Variants in HS3ST4 observed in about 807,000 individuals in gnomAD.
HS3ST4 encodes heparan sulfate glucosamine 3-O-sulfotransferase 4.
In HS3ST4, 17 loss-of-function variants were observed where a neutral mutation model predicts 29.2. That is an observed-to-expected ratio of 0.58 (90% CI 0.40 to 0.87). HS3ST4 has a LOEUF of 0.87. Ranked by LOEUF, HS3ST4 falls within the 40% of genes least tolerant of loss-of-function variation. HS3ST4 has a pLI of 0.00. For missense variants in HS3ST4, 627 were observed against 634.5 expected, an observed-to-expected ratio of 0.99 and a Z score of 0.13; for synonymous variants, 314 against 285.7, an observed-to-expected ratio of 1.10 and a Z score of -1.00.
intron 1 of HS3ST4, among the ~76,000 whole-genome samples, chr16:25,917,870 C>T (rs941439037): frequency 3.9e-5 from 6 of 152,148 alleles, no homozygotes; most frequent in African/African-American, 9.7e-5. Flanking sequence ...AAACTTCAGA[C>T]GCCTTTCAAA....
chr16:25,928,035 CAAAAA>C (rs767016845), intron 1 of HS3ST4, among the ~76,000 whole-genome samples: 6 of 50,928 alleles, frequency 1.2e-4, no homozygotes, highest in Admixed American at 4.8e-4. Flanking sequence ...CCCATCTCGA[CAAAAA>C]AAAAAAAAAA....
intron 1 of HS3ST4, among the ~76,000 whole-genome samples, chr16:26,004,308 A>G (rs535940283): frequency 6.6e-6 from 1 of 152,262 alleles, no homozygotes; most frequent in East Asian, 1.9e-4. Flanking sequence ...TTTTTCTCTA[A>G]CATTGATCTA....
At chr16:25,718,128 T>C (rs1966469785) in intron 1 of HS3ST4, among the ~76,000 whole-genome samples, 1 of 151,990 alleles carries the variant, frequency 6.6e-6, no homozygotes, top group African/African-American at 2.4e-5. Flanking sequence ...AGGAGCAGGG[T>C]TGGGGGTAGA....
At chr16:25,762,339 A>G (rs986011463) in intron 1 of HS3ST4, among the ~76,000 whole-genome samples, 3 of 152,136 alleles carry the variant, frequency 2.0e-5, no homozygotes, top group African/African-American at 7.2e-5. Context: ...ACTCATCTTC[A>G]AAGTACTTTT....
intron 1 of HS3ST4, among the ~76,000 whole-genome samples, chr16:25,977,172 CAG>C (rs1968953044): frequency 6.6e-6 from 1 of 151,944 alleles, no homozygotes; most frequent in Non-Finnish European, 1.5e-5. Flanking sequence ...AATATATTAC[CAG>C]AGTTGTCATT....
chr16:25,832,972 T>C (rs1266037222), intron 1 of HS3ST4, among the ~76,000 whole-genome samples: 1 of 152,230 alleles, frequency 6.6e-6, no homozygotes, highest in African/African-American at 2.4e-5. Flanking sequence ...TAAGTTCGCA[T>C]CCTTTATACT....
At chr16:25,715,904 G>A (rs1342775520) in intron 1 of HS3ST4, among the ~76,000 whole-genome samples, 1 of 152,164 alleles carries the variant, frequency 6.6e-6, no homozygotes, top group East Asian at 1.9e-4. Flanking sequence ...TATATCCAGA[G>A]AGCAATTCCC....
At chr16:25,955,292 C>T (rs1596625326) in intron 1 of HS3ST4, among the ~76,000 whole-genome samples, 1 of 152,074 alleles carries the variant, frequency 6.6e-6, no homozygotes, top group Non-Finnish European at 1.5e-5. Context: ...TGGCACTAGG[C>T]TAGGGGACAA....
intron 1 of HS3ST4, among the ~76,000 whole-genome samples, chr16:25,898,558 G>A (rs1486330726): frequency 1.3e-5 from 2 of 152,142 alleles, no homozygotes; most frequent in Non-Finnish European, 2.9e-5. Context: ...AGCTTTTCCT[G>A]TAAATTAACT....
chr16:26,003,097 A>G (rs1421958361), intron 1 of HS3ST4, among the ~76,000 whole-genome samples: 1 of 152,186 alleles, frequency 6.6e-6, no homozygotes, highest in Admixed American at 6.5e-5. Flanking sequence ...TCTCTGTCAG[A>G]TAGAAGGGAT....
intron 1 of HS3ST4, among the ~76,000 whole-genome samples, chr16:25,923,830 G>T (rs1392114509): frequency 6.6e-6 from 1 of 152,094 alleles, no homozygotes; most frequent in Non-Finnish European, 1.5e-5. Context: ...GGGTTGCGGG[G>T]AGCATTCTTG....
At chr16:25,808,245 G>A (rs1267428774) in intron 1 of HS3ST4, among the ~76,000 whole-genome samples, 1 of 152,178 alleles carries the variant, frequency 6.6e-6, no homozygotes, top group African/African-American at 2.4e-5. Flanking sequence ...TATTCTAAAA[G>A]TGTTATAATT....
At chr16:25,843,303 T>A (rs147967848) in intron 1 of HS3ST4, among the ~76,000 whole-genome samples, 2 of 152,178 alleles carry the variant, frequency 1.3e-5, no homozygotes, top group African/African-American at 2.4e-5. Context: ...CTGTCACATG[T>A]GGCCACTCCA....
intron 1 of HS3ST4, among the ~76,000 whole-genome samples, chr16:25,857,876 C>CTCTTTCTT (rs149041532): frequency 7.3e-5 from 7 of 96,400 alleles, no homozygotes; most frequent in Admixed American, 1.1e-4. Context: ...GAATTTCTTT[C>CTCTTTCTT]TCTTTCTTTC....
At chr16:25,751,291 ATG>A (rs1491208321) in intron 1 of HS3ST4, among the ~76,000 whole-genome samples, 1 of 151,992 alleles carries the variant, frequency 6.6e-6, no homozygotes, top group African/African-American at 2.4e-5. Flanking sequence ...ATGTGTGCTC[ATG>A]TGTGTGTGTA....
intron 1 of HS3ST4, among the ~76,000 whole-genome samples, chr16:25,937,064 A>G (rs3935817): frequency 0.55 from 83,029 of 151,944 alleles, 23,438 homozygotes; most frequent in African/African-American, 0.61. Flanking sequence ...GATAGTCAGG[A>G]CATGGTATCT....
At chr16:26,026,364 A>G (rs1208365223) in intron 1 of HS3ST4, among the ~76,000 whole-genome samples, 1 of 152,198 alleles carries the variant, frequency 6.6e-6, no homozygotes, top group Non-Finnish European at 1.5e-5. Flanking sequence ...ACACCATAAG[A>G]ATAGTTCGTT....
At chr16:25,866,923 G>A (rs1967701697) in intron 1 of HS3ST4, among the ~76,000 whole-genome samples, 3 of 152,226 alleles carry the variant, frequency 2.0e-5, no homozygotes, top group South Asian at 2.1e-4. Context: ...AACTTGCAGC[G>A]GAATGGTTAC....
chr16:26,136,494 A>G lies in HS3ST4; in HGVS notation c.*246A>G. On this transcript the variant is annotated 3_prime_UTR_variant, in exon 2 of 2. Coordinates refer to ENST00000331351, the MANE Select transcript of HS3ST4 (RefSeq NM_006040.3). The stretch of plus-strand genomic sequence containing the variant: ...GTTGACCAGATGGCCACCAGAACCC[A>G]CTGTTCATTCTTATCTTCTGCTAGT... The G allele has an allele frequency of 1.8e-6, 1 of 551,746 alleles. No individual in the cohort carries two copies. Among genetic ancestry groups the G allele is most frequent in the Non-Finnish European group, 3.2e-6 (1 of 311,138 alleles). The allele number at this position is 551,746 out of a possible 1,614,324, so 34.2% of individuals were successfully genotyped here. A position where few individuals can be genotyped will look rare whatever the true frequency, so the allele number is the denominator to read the frequency against.
Sources: allele counts gnomAD v4.1 joint callset (sites outside exome capture counted in the v4.1 genomes callset), GRCh38; gene constraint gnomAD v4.1.1; transcripts MANE v1.5; gene names NCBI Gene and HGNC (gene_info 2026-07-23, HGNC 2026-07-21).